Variants in PLEKHA5 observed in about 807,000 individuals in gnomAD.
PLEKHA5 encodes the protein pleckstrin homology domain containing A5.
A neutral mutation model predicts 181.9 loss-of-function variants in PLEKHA5; 55 were observed. The ratio of observed to expected loss-of-function variants is 0.30; its 90% CI spans 0.24 to 0.38. The LOEUF is 0.38. PLEKHA5 is among the 10% of genes least tolerant of loss of function. PLEKHA5 has a pLI of 1.00. For missense variants in PLEKHA5, 1,432 were observed against 1,549.5 expected, an observed-to-expected ratio of 0.92 and a Z score of 1.27; for synonymous variants, 535 against 529.4, an observed-to-expected ratio of 1.01 and a Z score of -0.15.
chr12:19,324,872 C>T (rs901097143), intron 20 of PLEKHA5, among the ~76,000 whole-genome samples: 1 of 152,176 alleles, frequency 6.6e-6, no homozygotes, highest in Non-Finnish European at 1.5e-5. Context: ...ATGAGAAGCT[C>T]AGGGTCTCTG....
intron 3 of PLEKHA5, among the ~76,000 whole-genome samples, chr12:19,240,684 C>G (rs1326289159): frequency 6.6e-6 from 1 of 151,390 alleles, no homozygotes; most frequent in African/African-American, 2.4e-5. Flanking sequence ...ATTGCCCAGG[C>G]TAGCCTCAAA....
At chr12:19,262,642 A>G (rs1208870605) in intron 7 of PLEKHA5, among the ~76,000 whole-genome samples, 1 of 152,222 alleles carries the variant, frequency 6.6e-6, no homozygotes, top group Non-Finnish European at 1.5e-5. Context: ...TTACTATAAT[A>G]GGAAAGCTTT....
rs1395584308 is a variant in PLEKHA5 at position 19,358,378 on chromosome 12, G to A, written c.3289G>A (p.Asp1097Asn). 1.2e-6 allele frequency: 2 copies of A among 1,613,778 alleles called. No homozygotes were observed. The highest frequency in any genetic ancestry group is 3.3e-5 in the Admixed American group (2 of 59,948). Reference protein sequence around the residue: ...KKGLNVIGASDQSPLQSPSNL... With the variant: ...KKGLNVIGASNQSPLQSPSNL... Reference sequence around the variant, plus strand: ...AGGGTTAAATGTTATCGGTGCTTCAGACCAGTCACCCTTACAAAGCCCTTC... The same window carrying A: ...AGGGTTAAATGTTATCGGTGCTTCAAACCAGTCACCCTTACAAAGCCCTTC... The change falls in exon 27 of 32, where the codon GAC becomes AAC. Residue 1097 changes from aspartate (D) to asparagine (N), a missense_variant. Transcript: ENST00000429027.
intron 3 of PLEKHA5, among the ~76,000 whole-genome samples, chr12:19,193,540 C>T (rs1200213027): frequency 2.0e-5 from 3 of 151,976 alleles, no homozygotes; most frequent in Non-Finnish European, 4.4e-5. Flanking sequence ...AGTTTTACTA[C>T]ATTGATATAT....
chr12:19,182,591 CCTCTT>C (rs996545078), intron 3 of PLEKHA5, among the ~76,000 whole-genome samples: 19 of 152,290 alleles, frequency 1.2e-4, no homozygotes, highest in African/African-American at 4.6e-4. Flanking sequence ...ACTAGACCCT[CCTCTT>C]CTCCCTTACC....
intron 15 of PLEKHA5, among the ~76,000 whole-genome samples, chr12:19,310,773 G>GTTTTTTGT (rs1041653455): frequency 6.6e-6 from 1 of 152,072 alleles, no homozygotes; most frequent in Non-Finnish European, 1.5e-5. Context: ...GCTGGGCGTG[G>GTTTTTTGT]TTTTTTGTTT....
chr12:19,333,503 C>T (rs1438341667), intron 20 of PLEKHA5, among the ~76,000 whole-genome samples: 4 of 151,772 alleles, frequency 2.6e-5, no homozygotes, highest in Non-Finnish European at 5.9e-5. Context: ...GCAGAAGAAT[C>T]ACTTGAACCC....
intron 20 of PLEKHA5, among the ~76,000 whole-genome samples, chr12:19,323,639 A>G (rs551416574): frequency 2.5e-4 from 38 of 152,078 alleles, no homozygotes; most frequent in African/African-American, 9.2e-4. Context: ...CAACATGGTG[A>G]AACCTCGTCT....
chr12:19,282,480 A>G (rs1180353845), intron 11 of PLEKHA5, among the ~76,000 whole-genome samples: 1 of 152,210 alleles, frequency 6.6e-6, no homozygotes, highest in Non-Finnish European at 1.5e-5. Context: ...GTACTGATGT[A>G]TTTACTCCCA....
At chr12:19,171,595 A>G (rs1193182223) in intron 3 of PLEKHA5, among the ~76,000 whole-genome samples, 2 of 152,096 alleles carry the variant, frequency 1.3e-5, no homozygotes, top group Admixed American at 6.6e-5. Flanking sequence ...CTGACCTCAA[A>G]TAATCAGCCC....
chr12:19,271,463 C>T (rs2072752402), intron 10 of PLEKHA5, among the ~76,000 whole-genome samples: 1 of 152,018 alleles, frequency 6.6e-6, no homozygotes, highest in South Asian at 2.1e-4. Context: ...GTGACTGTGC[C>T]ACTGCACTCC....
At chr12:19,321,091 C>T (rs550330017) in intron 18 of PLEKHA5, among the ~76,000 whole-genome samples, 13 of 151,534 alleles carry the variant, frequency 8.6e-5, no homozygotes, top group African/African-American at 3.1e-4. Context: ...CTCTTGAACC[C>T]AGGAGGGACA....
intron 21 of PLEKHA5, among the ~76,000 whole-genome samples, chr12:19,338,031 C>CA (rs35715796): frequency 0.14 from 12,022 of 86,544 alleles, 587 homozygotes; most frequent in Middle Eastern, 0.31. Flanking sequence ...AGCTCCATCT[C>CA]AAAAAAAAAA....
intron 3 of PLEKHA5, among the ~76,000 whole-genome samples, chr12:19,185,877 A>T (rs2049754865): frequency 6.6e-6 from 1 of 152,210 alleles, no homozygotes; most frequent in African/African-American, 2.4e-5. Flanking sequence ...TATTTATTGT[A>T]GTTGAGGGGA....
chr12:19,131,229 C>CT (rs1021632281), intron 2 of PLEKHA5, among the ~76,000 whole-genome samples: 8 of 152,166 alleles, frequency 5.3e-5, no homozygotes, highest in Non-Finnish European at 8.8e-5. Flanking sequence ...CTCTCGGACT[C>CT]TGACATTCCG....
chr12:19,200,161 G>C (rs2053858847), intron 3 of PLEKHA5, among the ~76,000 whole-genome samples: 1 of 151,936 alleles, frequency 6.6e-6, no homozygotes, highest in Non-Finnish European at 1.5e-5. Context: ...AAAATGATTA[G>C]TACTTGAGGT....
intron 3 of PLEKHA5, among the ~76,000 whole-genome samples, chr12:19,218,704 A>G (rs1250862741): frequency 6.6e-6 from 1 of 152,076 alleles, no homozygotes; most frequent in Non-Finnish European, 1.5e-5. Flanking sequence ...GAGTATTTCA[A>G]TAATTTGTAT....
intron 20 of PLEKHA5, among the ~76,000 whole-genome samples, chr12:19,333,268 A>G (rs1271048807): frequency 6.7e-6 from 1 of 149,150 alleles, no homozygotes; most frequent in Non-Finnish European, 1.5e-5. Flanking sequence ...CTGGGCAACA[A>G]GAGTGAAACT....
At chr12:19,272,709 C>A (rs372569096) in intron 10 of PLEKHA5, among the ~76,000 whole-genome samples, 5 of 152,236 alleles carry the variant, frequency 3.3e-5, no homozygotes, top group South Asian at 2.1e-4. Context: ...TGCACTCCCC[C>A]CTGGGTTATA....
Sources: allele counts gnomAD v4.1 joint callset (sites outside exome capture counted in the v4.1 genomes callset), GRCh38; gene constraint gnomAD v4.1.1; transcripts MANE v1.5; gene names NCBI Gene and HGNC (gene_info 2026-07-23, HGNC 2026-07-21).